MAP7: variants seen among roughly 807,000 people sequenced by gnomAD.
MAP7 encodes microtubule associated protein 7, also known as ensconsin.
MAP7 carries 52 observed loss-of-function variants against 94.8 expected under a neutral mutation model. That is an observed-to-expected ratio of 0.55 (90% confidence interval 0.44 to 0.69). MAP7 has a LOEUF of 0.69. Among genes scored for constraint, MAP7 ranks in the 30% least tolerant of loss-of-function variants. MAP7 has a pLI of 0.00. For synonymous variants in MAP7, 350 were observed against 357.0 expected, an observed-to-expected ratio of 0.98 and a Z score of 0.22; for missense variants, 940 against 964.6, an observed-to-expected ratio of 0.97 and a Z score of 0.34.
At chr6:136,513,456 C>T (rs1481094920) in intron 1 of MAP7, among the ~76,000 whole-genome samples, 8 of 152,172 alleles carry the variant, frequency 5.3e-5, no homozygotes, top group Non-Finnish European at 8.8e-5. Context: ...ATCATGGAAT[C>T]GCAGCAATTC....
intron 1 of MAP7, among the ~76,000 whole-genome samples, chr6:136,484,867 CT>C (rs34689362): frequency 2.0e-5 from 3 of 151,884 alleles, no homozygotes; most frequent in South Asian, 2.1e-4. Context: ...TAATTTTTAT[CT>C]TTTTTTTGTA....
Position 136,421,528 on chromosome 6 carries a change from C to T in MAP7, c.166+173G>A, listed in dbSNP as rs537225110. 5.9e-5 allele frequency among the ~76,000 whole-genome samples: 9 copies of T among 152,348 alleles called. No individual in the cohort carries two copies. In the East Asian group the frequency reaches 1.5e-3, roughly 26 times the overall value. ...TTTGAGAGGTTCTCTGACTTAATAT[C>T]ATACAATCCAGTAGGAGTGTGTGTT... is the stretch of plus-strand genomic sequence containing the variant. On this transcript the variant is annotated intron_variant, in intron 2 of 17. Transcript: ENST00000354570.
chr6:136,365,550 T>G (rs1446524303), intron 10 of MAP7, among the ~76,000 whole-genome samples, 185 bp downstream of exon 10: 2 of 152,030 alleles, frequency 1.3e-5, no homozygotes, highest in South Asian at 4.1e-4. Context: ...CGTTGCTAAG[T>G]AAAAAACTAT....
At chr6:136,346,752 G>C (rs1355179221) in intron 16 of MAP7, among the ~76,000 whole-genome samples, 5 of 152,038 alleles carry the variant, frequency 3.3e-5, no homozygotes, top group Non-Finnish European at 7.4e-5. Context: ...GAGGACCTTT[G>C]CCTCAAAGAT....
chr6:136,394,273 G>A (rs888403548), intron 3 of MAP7, among the ~76,000 whole-genome samples: 9 of 152,166 alleles, frequency 5.9e-5, no homozygotes, highest in African/African-American at 2.2e-4. Context: ...GTGAGCCACC[G>A]CGCCCGGCCA....
chr6:136,408,481 T>C (rs1210440714), intron 3 of MAP7, among the ~76,000 whole-genome samples: 2 of 152,198 alleles, frequency 1.3e-5, no homozygotes, highest in Non-Finnish European at 2.9e-5. Flanking sequence ...TAATCAGACC[T>C]TTATTCTCCC....
chr6:136,497,259 AG>A (rs1818529288), intron 1 of MAP7, among the ~76,000 whole-genome samples: 1 of 152,054 alleles, frequency 6.6e-6, no homozygotes, highest in Non-Finnish European at 1.5e-5. Context: ...GATGGCTACA[AG>A]ATGAAAAGCT....
intron 1 of MAP7, among the ~76,000 whole-genome samples, chr6:136,456,373 T>C (rs1466942374): frequency 6.6e-6 from 1 of 151,970 alleles, no homozygotes; most frequent in Non-Finnish European, 1.5e-5. Flanking sequence ...AATGCCTACA[T>C]TAAAAAGAAA....
chr6:136,525,656 A>G (rs187053079), intron 1 of MAP7, among the ~76,000 whole-genome samples: 3 of 152,252 alleles, frequency 2.0e-5, no homozygotes, highest in Admixed American at 6.5e-5. Flanking sequence ...ACTGTTTCCC[A>G]TTTCATGCAT....
chr6:136,449,547 A>G (rs1222019629), intron 1 of MAP7, among the ~76,000 whole-genome samples: 4 of 152,218 alleles, frequency 2.6e-5, no homozygotes, highest in Admixed American at 2.0e-4. Flanking sequence ...GCCTTATTTG[A>G]ACATGATTTG....
chr6:136,423,162 G>A (rs1791932573), intron 1 of MAP7, among the ~76,000 whole-genome samples: 1 of 152,132 alleles, frequency 6.6e-6, no homozygotes, highest in Non-Finnish European at 1.5e-5. Flanking sequence ...GTGGAGTCCT[G>A]GGCATCCCAT....
intron 3 of MAP7, among the ~76,000 whole-genome samples, chr6:136,396,322 G>A (rs1295155411): frequency 2.6e-5 from 4 of 151,730 alleles, no homozygotes; most frequent in Admixed American, 6.6e-5. Context: ...TATAGCTACC[G>A]TAAATGGGAT....
chr6:136,526,950 G>A (rs1562489298), intron 1 of MAP7, among the ~76,000 whole-genome samples: 1 of 151,880 alleles, frequency 6.6e-6, no homozygotes, highest in African/African-American at 2.4e-5. Context: ...ACAGGCAAGG[G>A]AAGAACTATG....
intron 1 of MAP7, among the ~76,000 whole-genome samples, chr6:136,459,679 T>C (rs1468664024): frequency 6.6e-6 from 1 of 152,172 alleles, no homozygotes; most frequent in Non-Finnish European, 1.5e-5. Flanking sequence ...ATTTCACTTA[T>C]GATGTATCTA....
rs1777852405 is a variant in MAP7 at position 136,381,905 on chromosome 6, C to CAT, written c.637+1765_637+1766insAT. ...ACACACACACACACACACACACACA[C>CAT]ACACACACACACACAGAGAGAGAGA... On this transcript the variant is annotated intron_variant, in intron 6 of 17. Transcript: ENST00000354570. Among the ~76,000 whole-genome samples, 10 of 144,000 alleles carry CAT rather than the reference C, an allele frequency of 6.9e-5. No individual in the cohort carries two copies. The South Asian group carries it at 2.3e-3, about 33-fold the overall frequency. The allele number at this position is 144,000 out of a possible 152,430, so 94.5% of individuals were successfully genotyped here. A position where few individuals can be genotyped will look rare whatever the true frequency, so the allele number is the denominator to read the frequency against.
At chr6:136,547,342 G>A (rs1212236384) in intron 1 of MAP7, among the ~76,000 whole-genome samples, 2 of 152,206 alleles carry the variant, frequency 1.3e-5, no homozygotes, top group Admixed American at 6.5e-5. Flanking sequence ...ATCAAAAGCA[G>A]CTTTAAATTT....
rs930532126 is a variant in MAP7 at position 136,356,725 on chromosome 6, A to G, written c.1982T>C (p.Val661Ala). The change falls in exon 16 of 18, where the codon GTT becomes GCT. Residue 661 changes from valine to alanine, a missense_variant. By Grantham distance (64) the Val-to-Ala change is moderately conservative. Transcript: ENST00000354570. Reference protein sequence around the residue: ...NGKPVGSPHVVTSHQSKVTVE... With the variant: ...NGKPVGSPHVATSHQSKVTVE... Reference sequence around the variant, plus strand: ...TGTCACTTTTGACTGGTGTGAGGTAACCACATGTGGGCTGCCAACTGGCTT... The same window carrying G: ...TGTCACTTTTGACTGGTGTGAGGTAGCCACATGTGGGCTGCCAACTGGCTT... 1.2e-6 allele frequency: 2 copies of G among 1,614,172 alleles called. No individual in the cohort carries two copies. Among genetic ancestry groups the G allele is most frequent in the Non-Finnish European group, 8.5e-7 (1 of 1,180,030 alleles).
Position 136,388,391 on chromosome 6 carries a change from A to C in MAP7, c.526+2T>G. 1 of 1,609,888 alleles carries C rather than the reference A, an allele frequency of 6.2e-7. No individual in the cohort carries two copies. The highest frequency in any genetic ancestry group is 8.5e-7 in the Non-Finnish European group (1 of 1,176,310). On this transcript the variant is annotated splice_donor_variant, in intron 5 of 17. Coordinates refer to ENST00000354570, the MANE Select transcript of MAP7 (RefSeq NM_003980.6). LOFTEE classifies it high-confidence loss of function. ...CTAATTTTCAAAGTGGTCACTGTTT[A>C]CCTGCACTGTGGATGCTAGGGCTCC... is the stretch of plus-strand genomic sequence containing the variant.
intron 1 of MAP7, among the ~76,000 whole-genome samples, chr6:136,429,586 A>C (rs982446947): frequency 6.6e-6 from 1 of 152,202 alleles, no homozygotes; most frequent in Non-Finnish European, 1.5e-5. Context: ...GAGGAAAAGG[A>C]TATTTCAGAA....
Sources: gnomAD v4.1 joint callset for allele counts (sites outside exome capture counted in the v4.1 genomes callset) on GRCh38, gnomAD v4.1.1 for gene constraint, MANE v1.5 for transcripts, NCBI Gene and HGNC (gene_info 2026-07-23, HGNC 2026-07-21) for gene names.